Variants in ANGPT2 observed in about 807,000 individuals in gnomAD.
The protein encoded by ANGPT2 is angiopoietin-2.
A neutral mutation model predicts 62.9 loss-of-function variants in ANGPT2; 28 were observed. The ratio of observed to expected loss-of-function variants is 0.44; its 90% CI spans 0.33 to 0.61. The LOEUF is 0.61. Ranked by LOEUF, ANGPT2 falls within the 20% of genes least tolerant of loss-of-function variation. The pLI is 0.03. For missense variants in ANGPT2, 727 were observed against 594.9 expected (o/e 1.22, Z -2.31); for synonymous variants, 284 against 207.8 (o/e 1.37, Z -3.15).
At chr8:6,539,729 G>C (rs1290827667) in intron 1 of ANGPT2, among the ~76,000 whole-genome samples, 3 of 152,124 alleles carry the variant, frequency 2.0e-5, no homozygotes, top group African/African-American at 7.2e-5. Flanking sequence ...TGGGGTTACA[G>C]GCGCACACCA....
chr8:6,550,380 G>A (rs1193143815), intron 1 of ANGPT2, among the ~76,000 whole-genome samples: 3 of 152,212 alleles, frequency 2.0e-5, no homozygotes, highest in Non-Finnish European at 2.9e-5. Flanking sequence ...CTGTAGGGCT[G>A]CACCCAGACA....
At chr8:6,538,388 G>T (rs11989215) in intron 1 of ANGPT2, among the ~76,000 whole-genome samples, 1 of 151,904 alleles carries the variant, frequency 6.6e-6, no homozygotes. Context: ...CTTTCATCCC[G>T]CTGTCAGAGT....
chr8:6,520,114 G>C (rs1046297922), intron 4 of ANGPT2, 123 bp from the exon 5 acceptor site: 34 of 1,115,262 alleles, frequency 3.0e-5, no homozygotes, highest in Non-Finnish European at 4.1e-5. Flanking sequence ...GCAAAAGGCT[G>C]TACCACTTTT....
intron 1 of ANGPT2, among the ~76,000 whole-genome samples, chr8:6,533,578 T>TC (rs1023426248): frequency 8.0e-6 from 1 of 124,604 alleles, no homozygotes; most frequent in African/African-American, 3.2e-5. Context: ...TCTTTTTTTT[T>TC]TTTTTTTTTT....
chr8:6,547,875 T>C (rs1822891737), intron 1 of ANGPT2, among the ~76,000 whole-genome samples: 1 of 150,098 alleles, frequency 6.7e-6, no homozygotes, highest in East Asian at 1.9e-4. Flanking sequence ...CAGTGAGTCA[T>C]CTTACCCCCA....
chr8:6,514,435 T>C (rs1003494750), intron 6 of ANGPT2, among the ~76,000 whole-genome samples: 6 of 152,278 alleles, frequency 3.9e-5, no homozygotes, highest in Non-Finnish European at 5.9e-5. Flanking sequence ...GTAATCCATC[T>C]GCCTCGGCCT....
intron 8 of ANGPT2, among the ~76,000 whole-genome samples, chr8:6,504,235 G>C (rs967073477): frequency 1.4e-5 from 2 of 146,570 alleles, no homozygotes; most frequent in Non-Finnish European, 1.5e-5. Flanking sequence ...GGAGAATGGC[G>C]TGAACCCGGG....
intron 7 of ANGPT2, among the ~76,000 whole-genome samples, chr8:6,510,887 C>G (rs775643162): frequency 6.6e-6 from 1 of 152,160 alleles, no homozygotes; most frequent in Non-Finnish European, 1.5e-5. Context: ...AGTATTTTCC[C>G]ACATGTTTCA....
intron 7 of ANGPT2, 126 bp from the exon 8 acceptor site, chr8:6,509,188 A>C: frequency 1.6e-6 from 2 of 1,224,546 alleles, no homozygotes; most frequent in South Asian, 3.0e-5. Context: ...GGACTAATGC[A>C]TACTCTGGAC....
chr8:6,508,888 C>A (rs1814347325), intron 8 of ANGPT2, 44 bp downstream of exon 8: 1 of 1,613,440 alleles, frequency 6.2e-7, no homozygotes, highest in Non-Finnish European at 8.5e-7. Flanking sequence ...TCTATGAAAT[C>A]ATTCCTTGCC....
chr8:6,527,621 G>A lies in ANGPT2; in HGVS notation c.500C>T (p.Thr167Ile). 6.2e-7 allele frequency: 1 copy of A among 1,613,936 alleles called. No individual in the cohort carries two copies. ...CAAAATCTGTTTTTCCAATTTGTTT[G>A]TCGAGAGGGAGTGTTCCAAGAGCTG... Reference protein sequence around the residue: ...ELQLLEHSLSTNKLEKQILDQ... With the variant: ...ELQLLEHSLSINKLEKQILDQ... The change falls in exon 3 of 9, where the codon ACA (threonine) becomes ATA (isoleucine). Residue 167 changes from threonine (T) to isoleucine (I), a missense_variant. Transcript: ENST00000629816.
At chr8:6,555,356 C>G (rs1179247271) in intron 1 of ANGPT2, among the ~76,000 whole-genome samples, 1 of 152,192 alleles carries the variant, frequency 6.6e-6, no homozygotes, top group Admixed American at 6.5e-5. Context: ...GCGTTTCCCC[C>G]TGTCAACTTC....
intron 7 of ANGPT2, among the ~76,000 whole-genome samples, chr8:6,510,876 C>T (rs1814926195): frequency 6.6e-6 from 1 of 152,184 alleles, no homozygotes; most frequent in Admixed American, 6.5e-5. Context: ...ATGTGAGTCT[C>T]AGTATTTTCC....
rs1290868712 is a variant in ANGPT2 at position 6,560,297 on chromosome 8, T to C, written c.288+2350A>G. ...AGAATTGTGCTGCTGCTTTCTGTGC[T>C]AATTAAATCAGTGGGTGTTAGGTTG... On this transcript the variant is annotated intron_variant, in intron 1 of 8. Transcript: ENST00000629816. Among the ~76,000 whole-genome samples the C allele has an allele frequency of 3.3e-5, 5 of 152,340 alleles. No individual in the cohort carries two copies. The East Asian group carries it at 9.6e-4, about 29-fold the overall frequency.
chr8:6,499,994 A>G lies in ANGPT2; in HGVS notation c.*3107T>C. On this transcript the variant is annotated 3_prime_UTR_variant, in exon 9 of 9. Coordinates refer to ENST00000629816, the MANE Select transcript of ANGPT2 (RefSeq NM_001118887.2). ...CTGTTCTCAAGAAATTATTATAAACATAAGGGTGGACTTAAGTTTTTATCC... is the reference window on the plus strand; with the variant it reads ...CTGTTCTCAAGAAATTATTATAAACGTAAGGGTGGACTTAAGTTTTTATCC... The G allele has an allele frequency of 1.4e-6, 2 of 1,387,024 alleles. No homozygotes were observed. The highest frequency in any genetic ancestry group is 1.7e-5 in the Admixed American group (1 of 59,616). The allele number at this position is 1,387,024 out of a possible 1,614,324, so 85.9% of individuals were successfully genotyped here. A position where few individuals can be genotyped will look rare whatever the true frequency, so the allele number is the denominator to read the frequency against.
At chr8:6,534,298 A>G (rs1198328134) in intron 1 of ANGPT2, among the ~76,000 whole-genome samples, 1 of 152,210 alleles carries the variant, frequency 6.6e-6, no homozygotes, top group Non-Finnish European at 1.5e-5. Context: ...TGTGTTAGGT[A>G]TTCTAAGCAA....
rs1179909096 is a variant in ANGPT2 at position 6,502,491 on chromosome 8, G to A, written c.*610C>T. ...TTATAACTAAGCTGTCAACATAAAT[G>A]TAAATACGCTGTTTTTGAAATAAAA... is the stretch of plus-strand genomic sequence containing the variant. On this transcript the variant is annotated 3_prime_UTR_variant, in exon 9 of 9. Transcript: ENST00000629816. 1 of 152,170 alleles carries A rather than the reference G, an allele frequency of 6.6e-6. No homozygotes were observed. The highest frequency in any genetic ancestry group is 1.5e-5 in the Non-Finnish European group (1 of 68,038). 9.4% of individuals were successfully genotyped at this position (152,170 alleles called of 1,614,324 possible).
intron 1 of ANGPT2, among the ~76,000 whole-genome samples, chr8:6,546,151 G>A (rs892328552): frequency 1.3e-5 from 2 of 152,254 alleles, no homozygotes; most frequent in African/African-American, 4.8e-5. Flanking sequence ...CTATGCTAGT[G>A]TGAAAATTAA....
chr8:6,524,612 T>G (rs1817990750), intron 3 of ANGPT2, among the ~76,000 whole-genome samples: 1 of 152,128 alleles, frequency 6.6e-6, no homozygotes, highest in Admixed American at 6.5e-5. Flanking sequence ...GTACGAGGTG[T>G]TTTTTAGGGT....
Sources: gnomAD v4.1 joint callset for allele counts (sites outside exome capture counted in the v4.1 genomes callset) on GRCh38, gnomAD v4.1.1 for gene constraint, MANE v1.5 for transcripts, NCBI Gene and HGNC (gene_info 2026-07-23, HGNC 2026-07-21) for gene names.